Variants in SGCZ observed in about 807,000 individuals in gnomAD.
SGCZ encodes the protein sarcoglycan zeta, also known as zeta-sarcoglycan.
A neutral mutation model predicts 41.3 loss-of-function variants in SGCZ; 40 were observed. That is an observed-to-expected ratio of 0.97 (90% CI 0.75 to 1.26). The LOEUF is 1.26. Among genes scored for constraint, SGCZ ranks in the 50% most tolerant of loss-of-function variants. The probability of loss-of-function intolerance (pLI) is 0.00; values close to 1 mark genes in which losing one functional copy is unlikely to be tolerated. For synonymous variants in SGCZ, 206 were observed against 137.5 expected (o/e 1.50, Z -3.49); for missense variants, 552 against 369.8 (o/e 1.49, Z -4.04).
intron 1 of SGCZ, among the ~76,000 whole-genome samples, chr8:15,175,795 G>A (rs1321183769): frequency 6.6e-6 from 1 of 152,096 alleles, no homozygotes; most frequent in South Asian, 2.1e-4. Flanking sequence ...TTGAAACACA[G>A]GCAGAATTTA....
intron 1 of SGCZ, among the ~76,000 whole-genome samples, chr8:14,771,424 T>G (rs1800233816): frequency 6.6e-6 from 1 of 152,142 alleles, no homozygotes; most frequent in Admixed American, 6.6e-5. Context: ...AACATCTCCC[T>G]TAACTGTACT....
At chr8:14,246,913 A>C (rs1235254381) in intron 3 of SGCZ, among the ~76,000 whole-genome samples, 1 of 139,910 alleles carries the variant, frequency 7.1e-6, no homozygotes, top group African/African-American at 2.7e-5. Context: ...CCATCTCAAA[A>C]AAAAAAAAAA....
intron 2 of SGCZ, among the ~76,000 whole-genome samples, chr8:14,541,504 T>C (rs1803466482): frequency 6.6e-6 from 1 of 152,168 alleles, no homozygotes; most frequent in Non-Finnish European, 1.5e-5. Flanking sequence ...TAGTATTCCA[T>C]GGTGAATATG....
At chr8:14,613,279 T>A (rs1175437382) in intron 1 of SGCZ, among the ~76,000 whole-genome samples, 4 of 152,162 alleles carry the variant, frequency 2.6e-5, no homozygotes, top group Non-Finnish European at 5.9e-5. Flanking sequence ...AAAATATATT[T>A]CATAACATAA....
intron 1 of SGCZ, among the ~76,000 whole-genome samples, chr8:15,073,885 T>C (rs1219974259): frequency 1.3e-5 from 2 of 152,200 alleles, no homozygotes; most frequent in African/African-American, 2.4e-5. Context: ...CCCCACCATG[T>C]GGTGGTATGT....
intron 1 of SGCZ, among the ~76,000 whole-genome samples, chr8:14,701,519 A>C (rs1204768792): frequency 1.3e-5 from 2 of 151,990 alleles, no homozygotes; most frequent in Non-Finnish European, 2.9e-5. Context: ...GAAAACAACC[A>C]GCAATCACTT....
intron 1 of SGCZ, among the ~76,000 whole-genome samples, chr8:14,808,927 G>A (rs1369077928): frequency 6.6e-6 from 1 of 151,496 alleles, no homozygotes; most frequent in Non-Finnish European, 1.5e-5. Context: ...CATGTCCTTT[G>A]TAGGGACATG....
At chr8:14,775,802 G>A (rs1006380401) in intron 1 of SGCZ, among the ~76,000 whole-genome samples, 1 of 152,118 alleles carries the variant, frequency 6.6e-6, no homozygotes, top group Non-Finnish European at 1.5e-5. Flanking sequence ...GTTTTATTTG[G>A]ATTGATATGT....
intron 1 of SGCZ, among the ~76,000 whole-genome samples, chr8:14,819,521 T>G (rs949066748): frequency 6.6e-6 from 1 of 152,052 alleles, no homozygotes; most frequent in Admixed American, 6.6e-5. Flanking sequence ...AGGATAATTA[T>G]CACAAAACAC....
intron 3 of SGCZ, chr8:14,309,018 A>G (rs1801437172): frequency 1.7e-6 from 2 of 1,150,962 alleles, no homozygotes; most frequent in Non-Finnish European, 2.5e-6. Flanking sequence ...CCTCACTTTT[A>G]CCAGAAAATG....
chr8:14,825,974 C>G (rs188690489), intron 1 of SGCZ, among the ~76,000 whole-genome samples: 7 of 151,990 alleles, frequency 4.6e-5, no homozygotes, highest in Middle Eastern at 3.4e-3. Flanking sequence ...TTTTAGGGTA[C>G]ATGTGCACAA....
intron 1 of SGCZ, among the ~76,000 whole-genome samples, chr8:14,957,634 T>A: frequency 6.6e-6 from 1 of 152,028 alleles, no homozygotes; most frequent in East Asian, 1.9e-4. Context: ...GGTGCCCAGA[T>A]ATATTGTTTT....
rs551937941 is a variant in SGCZ at position 14,339,066 on chromosome 8, G to T, written c.235-14862C>A. On this transcript the variant is annotated intron_variant, in intron 2 of 7. Coordinates refer to ENST00000382080, the MANE Select transcript of SGCZ (RefSeq NM_139167.4). Reference sequence around the variant, plus strand: ...AGTGGGAAGAAAATTAGTAAAAAAGGATATTCATGTTGACAACTATAACAT... The same window carrying T: ...AGTGGGAAGAAAATTAGTAAAAAAGTATATTCATGTTGACAACTATAACAT... Among the ~76,000 whole-genome samples the T allele has an allele frequency of 4.0e-4, 61 of 152,118 alleles. 1 individual carries two copies. Among genetic ancestry groups the T allele is most frequent in the Middle Eastern group, 3.4e-3 (1 of 294 alleles).
rs779786027 is a variant in SGCZ, at chr8:14,908,731, C to A, written c.39+328854G>T. On this transcript the variant is annotated intron_variant, in intron 1 of 7. Transcript: ENST00000382080. ...GGCCACTGTACTCCAGCCTGGTGAT[C>A]TGTCACCGTTGCAAAAAAAAAAAAA... Among the ~76,000 whole-genome samples the A allele has an allele frequency of 1.2e-4, 14 of 114,968 alleles. No individual in the cohort carries two copies. The East Asian group carries it at 3.8e-3, about 31-fold the overall frequency. The allele number at this position is 114,968 out of a possible 152,430, so 75.4% of individuals were successfully genotyped here. A position where few individuals can be genotyped will look rare whatever the true frequency, so the allele number is the denominator to read the frequency against.
intron 1 of SGCZ, among the ~76,000 whole-genome samples, chr8:14,938,992 G>A (rs186039675): frequency 3.3e-5 from 5 of 152,184 alleles, no homozygotes; most frequent in African/African-American, 9.6e-5. Context: ...TTCAGTCTGC[G>A]CCCTGGCAAA....
intron 1 of SGCZ, among the ~76,000 whole-genome samples, chr8:15,148,967 C>G (rs763519861): frequency 1.3e-5 from 2 of 152,138 alleles, no homozygotes; most frequent in African/African-American, 2.4e-5. Flanking sequence ...AAAGCAAACA[C>G]GTATCACAGA....
Position 15,055,064 on chromosome 8 carries a change from C to A in SGCZ, c.39+182521G>T, listed in dbSNP as rs1267149397. ...CACCTCCTAAGTAGCTCCCCTTTAC[C>A]TAAAGAATAAGTGCCATCCTTGTGG... On this transcript the variant is annotated intron_variant, in intron 1 of 7. Coordinates refer to ENST00000382080, the MANE Select transcript of SGCZ (RefSeq NM_139167.4). 2.0e-5 allele frequency among the ~76,000 whole-genome samples: 3 copies of A among 151,976 alleles called. No individual in the cohort carries two copies. The South Asian group carries it at 6.2e-4, about 31-fold the overall frequency.
intron 2 of SGCZ, among the ~76,000 whole-genome samples, chr8:14,421,602 T>A (rs1799638645): frequency 1.3e-5 from 2 of 152,098 alleles, no homozygotes; most frequent in African/African-American, 4.8e-5. Flanking sequence ...GAGAAAAATA[T>A]GAAGTTTGCT....
At position 14,795,910 on chromosome 8, in the gene SGCZ, G is replaced by T. The variant is rs139203358; in HGVS notation, c.40-240984C>A. 1.2e-4 allele frequency among the ~76,000 whole-genome samples: 19 copies of T among 152,228 alleles called. No individual in the cohort carries two copies. In the East Asian group the frequency reaches 3.7e-3, roughly 29 times the overall value. ...CTCATTATTTAGTTCCCACTTACAA[G>T]TGAGAACATGTAGTATTTGGTTTTC... On this transcript the variant is annotated intron_variant, in intron 1 of 7. Transcript: ENST00000382080.
Sources: gnomAD v4.1 joint callset for allele counts (sites outside exome capture counted in the v4.1 genomes callset) on GRCh38, gnomAD v4.1.1 for gene constraint, MANE v1.5 for transcripts, NCBI Gene and HGNC (gene_info 2026-07-23, HGNC 2026-07-21) for gene names.